TEX10: variants seen among roughly 807,000 people sequenced by gnomAD.
TEX10 encodes the protein testis expressed 10.
In TEX10, 24 loss-of-function variants were observed where a neutral mutation model predicts 104.4. That is an observed-to-expected ratio of 0.23 (90% confidence interval 0.17 to 0.32). The LOEUF (loss-of-function observed/expected upper bound fraction) is 0.32. Ranked by LOEUF, TEX10 falls within the 10% of genes least tolerant of loss-of-function variation. TEX10 has a pLI of 1.00. For missense variants in TEX10, 921 were observed against 1,083.9 expected (o/e 0.85, Z 2.11); for synonymous variants, 396 against 393.4 (o/e 1.01, Z -0.08).
At chr9:100,342,477 A>G (rs573125304) in intron 4 of TEX10, among the ~76,000 whole-genome samples, 2 of 152,376 alleles carry the variant, frequency 1.3e-5, no homozygotes, top group South Asian at 2.1e-4. Flanking sequence ...ATCTATCTGC[A>G]CTGTCCAATA....
chr9:100,306,979 A>G (rs1834158061), intron 13 of TEX10: 1 of 152,224 alleles, frequency 6.6e-6, no homozygotes, highest in Admixed American at 6.5e-5. Flanking sequence ...GGGATCTTAT[A>G]AAATCTCTAG....
chr9:100,303,522 C>G, intron 14 of TEX10, 110 bp downstream of exon 14: 1 of 1,128,698 alleles, frequency 8.9e-7, no homozygotes, highest in South Asian at 1.3e-5. Context: ...AATTCCTGGA[C>G]TCAATGTATG....
intron 1 of TEX10, 96 bp downstream of exon 1, chr9:100,352,676 C>A: frequency 2.2e-6 from 3 of 1,369,034 alleles, no homozygotes; most frequent in Non-Finnish European, 9.4e-7. Flanking sequence ...CACGGCCGAC[C>A]CTGCCCGCTT....
intron 11 of TEX10, among the ~76,000 whole-genome samples, chr9:100,311,129 G>A (rs1834270295): frequency 6.6e-6 from 1 of 152,086 alleles, no homozygotes; most frequent in Non-Finnish European, 1.5e-5. Flanking sequence ...AGGCCTGGTG[G>A]CTCATGACTG....
Position 100,327,815 on chromosome 9 carries a change from A to G in TEX10, c.1773T>C (p.Ser591=). 1 of 1,593,814 alleles carries G rather than the reference A, an allele frequency of 6.3e-7. No homozygotes were observed. The highest frequency in any genetic ancestry group is 8.6e-7 in the Non-Finnish European group (1 of 1,166,384). Residue 591 remains serine (S), a synonymous_variant, in exon 8 of 15, where the codon AGT becomes AGC. Coordinates refer to ENST00000374902, the MANE Select transcript of TEX10 (RefSeq NM_017746.4). ...AARANKELLK[S]LQATALRIYD... is the part of the protein sequence containing the mutation. ...AAATTCGGAGGGCAGTAGCTTGTAA[A>G]CTTTTTAGTAATTCTTTATTTGCTC...
chr9:100,307,707 T>C (rs1273604448), intron 13 of TEX10: 1 of 152,070 alleles, frequency 6.6e-6, no homozygotes, highest in African/African-American at 2.4e-5. Context: ...GCAGGGTACA[T>C]TAACAGTATA....
intron 7 of TEX10, 33 bp downstream of exon 7, chr9:100,329,107 A>ATTTT: frequency 6.4e-7 from 1 of 1,563,316 alleles, no homozygotes; most frequent in Non-Finnish European, 8.6e-7. Context: ...ACTCAGCAAG[A>ATTTT]GAAAAAAGAA....
intron 9 of TEX10, 82 bp downstream of exon 9, chr9:100,326,220 A>G (rs1279647655): frequency 1.4e-6 from 2 of 1,481,350 alleles, no homozygotes; most frequent in African/African-American, 2.8e-5. Context: ...TGCGACTTCA[A>G]AAGGCTTCCG....
chr9:100,313,757 T>C (rs928477653), intron 11 of TEX10, among the ~76,000 whole-genome samples: 9 of 151,390 alleles, frequency 5.9e-5, no homozygotes, highest in East Asian at 2.0e-4. Flanking sequence ...GGCAAGAGAA[T>C]TGCTTGAACC....
In TEX10 at chr9:100,343,271, G is replaced by A. The variant is rs117100101; in HGVS notation, c.1137+2801C>T. Among the ~76,000 whole-genome samples, 350 of 149,486 alleles carry A rather than the reference G, an allele frequency of 2.3e-3. 2 individuals carry two copies. Among genetic ancestry groups the A allele is most frequent in the Non-Finnish European group, 3.8e-3 (255 of 67,694 alleles). On this transcript the variant is annotated intron_variant, in intron 4 of 14. Coordinates refer to ENST00000374902, the MANE Select transcript of TEX10 (RefSeq NM_017746.4). ...AATTGCTGCAACTAGATGGGGGTAG[G>A]CAAGTGCTTATTGTATTCCTTCTGA...
intron 5 of TEX10, among the ~76,000 whole-genome samples, chr9:100,336,770 G>A (rs750023889): frequency 2.0e-5 from 3 of 152,142 alleles, no homozygotes; most frequent in Non-Finnish European, 4.4e-5. Context: ...GTTGGGGACC[G>A]TTGGCCTAGA....
chr9:100,338,196 G>A (rs1282718575), intron 5 of TEX10, among the ~76,000 whole-genome samples: 1 of 152,174 alleles, frequency 6.6e-6, no homozygotes, highest in African/African-American at 2.4e-5. Flanking sequence ...TTTTGTTTTT[G>A]TTTCCTATTG....
intron 13 of TEX10, 103 bp downstream of exon 13, chr9:100,308,397 A>G: frequency 1.1e-6 from 1 of 897,702 alleles, no homozygotes; most frequent in Non-Finnish European, 1.5e-6. Flanking sequence ...ACAGAATTTA[A>G]GGTATCTGTA....
intron 11 of TEX10, among the ~76,000 whole-genome samples, chr9:100,313,341 C>T (rs907152364): frequency 5.3e-5 from 8 of 151,326 alleles, no homozygotes; most frequent in African/African-American, 1.9e-4. Context: ...ATGGTGAAAC[C>T]CTGTCTCTAC....
At chr9:100,336,086 G>T (rs1349313052) in intron 5 of TEX10, among the ~76,000 whole-genome samples, 3 of 152,024 alleles carry the variant, frequency 2.0e-5, no homozygotes, top group African/African-American at 7.2e-5. Context: ...AGAATTGCTT[G>T]AACTCAGGAG....
At chr9:100,338,976 G>A (rs1245207864) in intron 5 of TEX10, among the ~76,000 whole-genome samples, 1 of 151,834 alleles carries the variant, frequency 6.6e-6, no homozygotes, top group Non-Finnish European at 1.5e-5. Flanking sequence ...GCTTAAGGCT[G>A]GGTACAGTGG....
intron 9 of TEX10, among the ~76,000 whole-genome samples, chr9:100,324,079 G>A (rs1383327474): frequency 6.6e-6 from 1 of 152,030 alleles, no homozygotes; most frequent in Non-Finnish European, 1.5e-5. Context: ...GTCACCCAGG[G>A]TAGAGTGCAG....
intron 2 of TEX10, 148 bp from the exon 3 acceptor site, chr9:100,347,554 T>C (rs780310541): frequency 1.4e-4 from 79 of 555,158 alleles, no homozygotes; most frequent in Admixed American, 2.2e-4. Context: ...TTAGCTTTTG[T>C]TAGGATCAGA....
At chr9:100,332,859 G>C (rs10819761) in intron 5 of TEX10, among the ~76,000 whole-genome samples, 68,890 of 151,532 alleles carry the variant, frequency 0.45, 17,328 homozygotes, top group East Asian at 0.89. Context: ...AGAAGTGCAA[G>C]ATTCCAGCAC....
Sources: allele counts gnomAD v4.1 joint callset (sites outside exome capture counted in the v4.1 genomes callset), GRCh38; gene constraint gnomAD v4.1.1; transcripts MANE v1.5; gene names NCBI Gene and HGNC (gene_info 2026-07-23, HGNC 2026-07-21).